KRABD5: variants seen among roughly 807,000 people sequenced by gnomAD.
The protein encoded by KRABD5 is KRAB domain containing 5.
chr16:31,745,422 G>A, the KRABD5 span, among the ~76,000 whole-genome samples: 1 of 152,100 alleles, frequency 6.6e-6, no homozygotes, highest in Admixed American at 6.6e-5. Flanking sequence ...CCATGTAATT[G>A]TATGGTTTTG....
chr16:31,755,414 T>G, the KRABD5 span: 1 of 491,996 alleles, frequency 2.0e-6, no homozygotes. Context: ...AGCCTTTAAC[T>G]GTAGTTCATC....
At chr16:31,743,235 T>C in the KRABD5 span, among the ~76,000 whole-genome samples, 1 of 152,206 alleles carries the variant, frequency 6.6e-6, no homozygotes, top group East Asian at 1.9e-4. Flanking sequence ...GATTTTCTTC[T>C]AGGGTTTTTA....
chr16:31,749,633 A>C, the KRABD5 span, among the ~76,000 whole-genome samples: 1 of 152,176 alleles, frequency 6.6e-6, no homozygotes, highest in Non-Finnish European at 1.5e-5. Context: ...CCCTGGAAGA[A>C]GCATGGTTTT....
At chr16:31,716,391 A>G in the KRABD5 span, among the ~76,000 whole-genome samples, 1 of 152,138 alleles carries the variant, frequency 6.6e-6, no homozygotes, top group South Asian at 2.1e-4. Flanking sequence ...TAACTTCCCC[A>G]CAAACCCTGA....
At chr16:31,738,802 A>G in the KRABD5 span, among the ~76,000 whole-genome samples, 1 of 152,058 alleles carries the variant, frequency 6.6e-6, no homozygotes, top group Non-Finnish European at 1.5e-5. Context: ...TTGTAATGAC[A>G]TGTTTTAATT....
At chr16:31,760,739 A>G in the KRABD5 span, 1 of 152,196 alleles carries the variant, frequency 6.6e-6, no homozygotes, top group Non-Finnish European at 1.5e-5. Flanking sequence ...ATCTGAAAAT[A>G]CTAAAATGAA....
At chr16:31,713,520 G>C in the KRABD5 span, 11 of 1,514,128 alleles carry the variant, frequency 7.3e-6, no homozygotes, top group South Asian at 1.1e-4. Context: ...TAGCTTCGGG[G>C]TCTGGGCCCT....
At chr16:31,749,316 A>G in the KRABD5 span, among the ~76,000 whole-genome samples, 1 of 152,222 alleles carries the variant, frequency 6.6e-6, no homozygotes. Flanking sequence ...TGACTCCAGA[A>G]GGGGAAAAGC....
chr16:31,749,498 C>T, the KRABD5 span, among the ~76,000 whole-genome samples: 1 of 152,222 alleles, frequency 6.6e-6, no homozygotes, highest in Non-Finnish European at 1.5e-5. Flanking sequence ...TGCAGGTGCT[C>T]TGTAGGCTTA....
At chr16:31,734,540 C>G in the KRABD5 span, among the ~76,000 whole-genome samples, 2 of 151,964 alleles carry the variant, frequency 1.3e-5, no homozygotes, top group Non-Finnish European at 2.9e-5. Context: ...GCATGTTACA[C>G]TGTGACTGGC....
At chr16:31,750,980 G>A in the KRABD5 span, among the ~76,000 whole-genome samples, 4 of 152,218 alleles carry the variant, frequency 2.6e-5, no homozygotes, top group South Asian at 2.1e-4. Context: ...AGCTGGTCTC[G>A]AACTCCTGGC....
chr16:31,741,976 T>TAGGC, the KRABD5 span, among the ~76,000 whole-genome samples: 6 of 152,140 alleles, frequency 3.9e-5, no homozygotes, highest in African/African-American at 1.4e-4. Flanking sequence ...TGGTGAAATG[T>TAGGC]AGGCGTCTAT....
the KRABD5 span, chr16:31,713,481 T>C: frequency 6.3e-7 from 1 of 1,587,128 alleles, no homozygotes. Flanking sequence ...AGAGGGGCGG[T>C]CGGAAGCGGC....
At chr16:31,759,374 T>C in the KRABD5 span, 1 of 1,394,702 alleles carries the variant, frequency 7.2e-7, no homozygotes, top group Non-Finnish European at 9.7e-7. Context: ...AATCCTATGG[T>C]GAAAAAAATC....
the KRABD5 span, among the ~76,000 whole-genome samples, chr16:31,737,128 C>G: frequency 3.3e-5 from 5 of 152,162 alleles, no homozygotes; most frequent in African/African-American, 1.2e-4. Flanking sequence ...AGCTTTTTCT[C>G]TGAGATCTGT....
the KRABD5 span, among the ~76,000 whole-genome samples, chr16:31,720,061 A>G: frequency 1.3e-5 from 2 of 152,194 alleles, no homozygotes; most frequent in South Asian, 2.1e-4. Flanking sequence ...CCCACATCCC[A>G]GGGGTTTATA....
chr16:31,751,407 T>A, the KRABD5 span, among the ~76,000 whole-genome samples: 1 of 152,212 alleles, frequency 6.6e-6, no homozygotes. Context: ...TGAATCCATC[T>A]TGTCCAGGGC....
the KRABD5 span, among the ~76,000 whole-genome samples, chr16:31,746,060 C>G: frequency 6.6e-6 from 1 of 151,908 alleles, no homozygotes; most frequent in Non-Finnish European, 1.5e-5. Context: ...TTGGTCTTGA[C>G]TCTTTATCCA....
At chr16:31,738,215 C>A in the KRABD5 span, among the ~76,000 whole-genome samples, 1 of 152,022 alleles carries the variant, frequency 6.6e-6, no homozygotes, top group Non-Finnish European at 1.5e-5. Context: ...GTCTAATGGT[C>A]TATAGTGTTG....
Sources: gnomAD v4.1 joint callset for allele counts (sites outside exome capture counted in the v4.1 genomes callset) on GRCh38, gnomAD v4.1.1 for gene constraint, MANE v1.5 for transcripts, NCBI Gene and HGNC (gene_info 2026-07-23, HGNC 2026-07-21) for gene names.